CASK: variants seen among roughly 807,000 people sequenced by gnomAD.
The protein encoded by CASK is calcium/calmodulin dependent serine protein kinase, also known as peripheral plasma membrane protein CASK.
Under a neutral mutation model 82.9 loss-of-function variants are expected in CASK, and 4 were observed. The observed-to-expected ratio is 0.05, with a 90% CI of 0.02 to 0.11. CASK has a LOEUF of 0.11. CASK is among the 10% of genes least tolerant of loss of function. The pLI, the probability that CASK is intolerant of heterozygous loss-of-function variation, is 1.00. For synonymous variants in CASK, 259 were observed against 253.5 expected, an observed-to-expected ratio of 1.02 and a Z score of -0.20; for missense variants, 358 against 720.9, an observed-to-expected ratio of 0.50 and a Z score of 5.76.
intron 1 of CASK, among the ~76,000 whole-genome samples, chrX:41,905,389 C>T (rs1420414885): frequency 8.9e-6 from 1 of 112,067 alleles, no homozygotes; most frequent in Non-Finnish European, 1.9e-5. Flanking sequence ...ACATCCCTGC[C>T]AACCCTTGTT....
At chrX:41,612,527 GT>G (rs1443598047) in intron 11 of CASK, among the ~76,000 whole-genome samples, 1 of 108,430 alleles carries the variant, frequency 9.2e-6, no homozygotes, top group African/African-American at 3.4e-5. Context: ...CGGGAAGGAG[GT>G]GGGGGTCAGC....
intron 9 of CASK, among the ~76,000 whole-genome samples, chrX:41,629,139 AGTTT>A (rs1008907052): frequency 9.0e-6 from 1 of 111,210 alleles, no homozygotes. Context: ...TTGTTTACGT[AGTTT>A]GTTTTTTTTT....
At chrX:41,644,849 C>T (rs987274404) in intron 8 of CASK, among the ~76,000 whole-genome samples, 3 of 111,557 alleles carry the variant, frequency 2.7e-5, no homozygotes, top group Non-Finnish European at 5.7e-5. Flanking sequence ...GGCTCTTAGG[C>T]TCATTAGGAA....
At chrX:41,631,817 A>G (rs1278044943) in intron 9 of CASK, among the ~76,000 whole-genome samples, 4 of 111,955 alleles carry the variant, frequency 3.6e-5, no homozygotes, top group African/African-American at 1.3e-4. Flanking sequence ...TGATTTGTAA[A>G]ATCAATATGT....
intron 2 of CASK, among the ~76,000 whole-genome samples, chrX:41,845,101 C>G (rs929407476): frequency 1.8e-5 from 2 of 111,806 alleles, no homozygotes; most frequent in Non-Finnish European, 3.8e-5. Context: ...GGCTAATGCA[C>G]AGTCTATCCT....
chrX:41,652,746 A>G (rs1021461495), intron 8 of CASK, among the ~76,000 whole-genome samples: 3 of 112,081 alleles, frequency 2.7e-5, no homozygotes, highest in African/African-American at 9.8e-5. Context: ...CACAGAGGGC[A>G]TGGAAGCTTC....
At chrX:41,696,721 A>G (rs1489008378) in intron 5 of CASK, 1 of 1,206,804 alleles carries the variant, frequency 8.3e-7, no homozygotes. Flanking sequence ...AAACCAGGAT[A>G]CTCCCTGCAT....
intron 8 of CASK, among the ~76,000 whole-genome samples, chrX:41,639,517 C>T (rs1403658636): frequency 9.2e-6 from 1 of 108,832 alleles, no homozygotes; most frequent in African/African-American, 3.3e-5. Context: ...TGGATGAAAC[C>T]AGCTGGAAAT....
At chrX:41,616,002 A>C (rs766132055) in intron 11 of CASK, among the ~76,000 whole-genome samples, 2 of 111,671 alleles carry the variant, frequency 1.8e-5, no homozygotes, top group Non-Finnish European at 3.8e-5. Flanking sequence ...AGCAAAAACA[A>C]CCTTTTATCA....
intron 5 of CASK, among the ~76,000 whole-genome samples, chrX:41,705,278 C>T (rs1458958203): frequency 6.2e-5 from 7 of 112,341 alleles, no homozygotes; most frequent in Non-Finnish European, 1.3e-4. Flanking sequence ...AATGTTGGGC[C>T]AGGCACAGTG....
At chrX:41,836,902 C>G (rs2070936229) in intron 2 of CASK, among the ~76,000 whole-genome samples, 1 of 111,881 alleles carries the variant, frequency 8.9e-6, no homozygotes, top group Non-Finnish European at 1.9e-5. Context: ...GTAATTATTC[C>G]ACAAAATGAA....
intron 1 of CASK, among the ~76,000 whole-genome samples, chrX:41,892,140 C>T (rs1023266431): frequency 1.8e-5 from 2 of 110,042 alleles, no homozygotes; most frequent in Non-Finnish European, 3.8e-5. Context: ...CTGCAGTGAG[C>T]TGTGATTGCA....
intron 3 of CASK, among the ~76,000 whole-genome samples, chrX:41,769,257 A>G: frequency 1.0e-5 from 1 of 97,984 alleles, no homozygotes; most frequent in East Asian, 3.2e-4. Flanking sequence ...GTACAGTAGT[A>G]TGATCTTGGC....
chrX:41,818,216 TTC>T (rs1291594705), intron 2 of CASK, among the ~76,000 whole-genome samples: 2 of 103,751 alleles, frequency 1.9e-5, no homozygotes, highest in African/African-American at 7.1e-5. Flanking sequence ...GACAAACTAA[TTC>T]TAAAATTCAT....
At chrX:41,856,581 G>A (rs1224898663) in intron 1 of CASK, among the ~76,000 whole-genome samples, 2 of 110,706 alleles carry the variant, frequency 1.8e-5, no homozygotes, top group African/African-American at 3.3e-5. Flanking sequence ...GATAACTGCC[G>A]CTCCCTCATC....
At chrX:41,830,739 G>A (rs982389658) in intron 2 of CASK, among the ~76,000 whole-genome samples, 2 of 100,066 alleles carry the variant, frequency 2.0e-5, no homozygotes, top group African/African-American at 7.4e-5. Context: ...AGTATGGCGT[G>A]AACCCAGGAG....
intron 3 of CASK, among the ~76,000 whole-genome samples, chrX:41,769,511 G>A (rs1333119538): frequency 9.0e-6 from 1 of 111,332 alleles, no homozygotes; most frequent in Non-Finnish European, 1.9e-5. Context: ...AGAGCTAGGG[G>A]TGAACTGGAA....
intron 3 of CASK, chrX:41,748,133 G>A (rs1264623948): frequency 8.9e-6 from 1 of 111,823 alleles, no homozygotes; most frequent in Non-Finnish European, 1.9e-5. Flanking sequence ...GAGGGGTTAG[G>A]AAAAGGAGAG....
chrX:41,859,290 A>AAC (rs1392942697), intron 1 of CASK, among the ~76,000 whole-genome samples: 5 of 111,664 alleles, frequency 4.5e-5, no homozygotes, highest in East Asian at 2.8e-4. Flanking sequence ...ATATATACAC[A>AAC]ACACACACAC....
Sources: gnomAD v4.1 joint callset for allele counts (sites outside exome capture counted in the v4.1 genomes callset) on GRCh38, gnomAD v4.1.1 for gene constraint, MANE v1.5 for transcripts, NCBI Gene and HGNC (gene_info 2026-07-23, HGNC 2026-07-21) for gene names.